Variants in ARHGAP15 observed in about 807,000 individuals in gnomAD.
ARHGAP15 encodes the protein rho GTPase-activating protein 15.
Under a neutral mutation model 63.7 loss-of-function variants are expected in ARHGAP15, and 51 were observed. The observed-to-expected ratio is 0.80, with a 90% confidence interval of 0.64 to 1.01. The LOEUF is 1.01. ARHGAP15 is among the 50% of genes least tolerant of loss of function. The pLI is 0.00. For synonymous variants in ARHGAP15, 191 were observed against 193.8 expected (o/e 0.99, Z 0.12); for missense variants, 560 against 564.6 (o/e 0.99, Z 0.08).
At chr2:143,344,856 A>G (rs1574308016) in intron 6 of ARHGAP15, among the ~76,000 whole-genome samples, 2 of 152,146 alleles carry the variant, frequency 1.3e-5, no homozygotes, top group Admixed American at 6.6e-5. Flanking sequence ...TACAAGGAAT[A>G]TCACATAGTC....
intron 6 of ARHGAP15, among the ~76,000 whole-genome samples, chr2:143,351,894 A>T: frequency 6.6e-6 from 1 of 152,218 alleles, no homozygotes; most frequent in East Asian, 1.9e-4. Flanking sequence ...ATAGATTCTC[A>T]TTATACTTTT....
chr2:143,598,170 A>G (rs1697600727), intron 11 of ARHGAP15, among the ~76,000 whole-genome samples: 1 of 152,206 alleles, frequency 6.6e-6, no homozygotes, highest in South Asian at 2.1e-4. Context: ...ACATTATCCC[A>G]GCAGGAGTGT....
chr2:143,479,386 A>G (rs2105209500), intron 8 of ARHGAP15, among the ~76,000 whole-genome samples: 1 of 151,762 alleles, frequency 6.6e-6, no homozygotes, highest in East Asian at 1.9e-4. Flanking sequence ...TTTATATTTA[A>G]GGCTCTTCTC....
At chr2:143,393,761 T>C in intron 6 of ARHGAP15, among the ~76,000 whole-genome samples, 1 of 146,224 alleles carries the variant, frequency 6.8e-6, no homozygotes, top group Non-Finnish European at 1.5e-5. Flanking sequence ...AAAAGTGAAA[T>C]TTGGAGGAAG....
chr2:143,129,652 T>A (rs991836883), intron 1 of ARHGAP15, among the ~76,000 whole-genome samples, 186 bp downstream of exon 1: 2 of 152,194 alleles, frequency 1.3e-5, no homozygotes, highest in African/African-American at 4.8e-5. Flanking sequence ...GCTGTCAAAT[T>A]CCAATGTCTT....
intron 6 of ARHGAP15, among the ~76,000 whole-genome samples, chr2:143,266,260 A>C (rs944095199): frequency 6.6e-6 from 1 of 152,146 alleles, no homozygotes; most frequent in African/African-American, 2.4e-5. Flanking sequence ...TTTTGATAAT[A>C]CTGTCAATTT....
intron 12 of ARHGAP15, among the ~76,000 whole-genome samples, chr2:143,691,507 A>G (rs1023195036): frequency 3.9e-5 from 6 of 152,182 alleles, no homozygotes; most frequent in African/African-American, 1.4e-4. Context: ...ACATTGCATA[A>G]TCAGTCCCAT....
intron 6 of ARHGAP15, among the ~76,000 whole-genome samples, chr2:143,346,547 CAAGT>C (rs1685309077): frequency 6.6e-6 from 1 of 152,040 alleles, no homozygotes; most frequent in Non-Finnish European, 1.5e-5. Flanking sequence ...GCTGCAGCAT[CAAGT>C]AACATTCCCT....
intron 11 of ARHGAP15, among the ~76,000 whole-genome samples, chr2:143,577,542 C>T (rs896145246): frequency 3.9e-5 from 6 of 152,082 alleles, no homozygotes; most frequent in African/African-American, 9.7e-5. Context: ...TAACCTCTCT[C>T]GGTCTCTCAG....
At chr2:143,361,678 G>T (rs1686061204) in intron 6 of ARHGAP15, among the ~76,000 whole-genome samples, 3 of 151,586 alleles carry the variant, frequency 2.0e-5, no homozygotes. Context: ...ATGGACTTTG[G>T]GATTTAAAAA....
intron 6 of ARHGAP15, among the ~76,000 whole-genome samples, chr2:143,383,059 G>A (rs959374826): frequency 4.6e-5 from 7 of 152,258 alleles, no homozygotes; most frequent in African/African-American, 1.4e-4. Context: ...TTACGTAGAC[G>A]TGTGTCAAGG....
At chr2:143,389,376 A>G (rs1016610427) in intron 6 of ARHGAP15, among the ~76,000 whole-genome samples, 9 of 152,266 alleles carry the variant, frequency 5.9e-5, no homozygotes, top group African/African-American at 2.2e-4. Flanking sequence ...AGATACTGAA[A>G]GAAGCAACCT....
chr2:143,540,541 T>G (rs1694998295), intron 10 of ARHGAP15, among the ~76,000 whole-genome samples: 1 of 152,206 alleles, frequency 6.6e-6, no homozygotes, highest in Admixed American at 6.5e-5. Context: ...TGTTTAGTGC[T>G]TCCTTCAGGA....
intron 11 of ARHGAP15, among the ~76,000 whole-genome samples, chr2:143,604,269 T>A (rs985096038): frequency 5.9e-5 from 9 of 152,218 alleles, no homozygotes; most frequent in African/African-American, 1.9e-4. Flanking sequence ...TTTATATTAA[T>A]TTTTTGGTGT....
intron 11 of ARHGAP15, among the ~76,000 whole-genome samples, chr2:143,585,955 G>T (rs1697092605): frequency 6.6e-6 from 1 of 152,094 alleles, no homozygotes; most frequent in East Asian, 1.9e-4. Flanking sequence ...TACTTTTCCA[G>T]AAAGAATCAT....
intron 12 of ARHGAP15, among the ~76,000 whole-genome samples, chr2:143,663,847 A>G (rs535496788): frequency 5.9e-5 from 9 of 152,350 alleles, no homozygotes; most frequent in Admixed American, 1.3e-4. Context: ...AAAGGGATCA[A>G]TTCAACAAGA....
intron 12 of ARHGAP15, among the ~76,000 whole-genome samples, chr2:143,673,756 GTGTATATATATATATA>G (rs1294600024): frequency 9.7e-5 from 3 of 30,990 alleles, no homozygotes; most frequent in South Asian, 4.3e-3. Context: ...GTGTGTGTGT[GTGTATATATATATATA>G]TATATATATA....
intron 11 of ARHGAP15, among the ~76,000 whole-genome samples, chr2:143,623,164 T>C (rs1448572356): frequency 6.6e-6 from 1 of 152,220 alleles, no homozygotes; most frequent in Non-Finnish European, 1.5e-5. Context: ...TCGACAGCAG[T>C]GCCTTTGTAC....
At chr2:143,208,524 T>C (rs964574147) in intron 3 of ARHGAP15, among the ~76,000 whole-genome samples, 2 of 152,152 alleles carry the variant, frequency 1.3e-5, no homozygotes, top group African/African-American at 4.8e-5. Flanking sequence ...GAGTGGAAAC[T>C]ACCCAGTTCA....
Sources: gnomAD v4.1 joint callset for allele counts (sites outside exome capture counted in the v4.1 genomes callset) on GRCh38, gnomAD v4.1.1 for gene constraint, MANE v1.5 for transcripts, NCBI Gene and HGNC (gene_info 2026-07-23, HGNC 2026-07-21) for gene names.